GPC5: variants seen among roughly 807,000 people sequenced by gnomAD.
GPC5 encodes the protein glypican-5.
In GPC5, 47 loss-of-function variants were observed where a neutral mutation model predicts 53.9. The observed-to-expected ratio is 0.87, with a 90% CI of 0.69 to 1.11. GPC5 has a LOEUF of 1.11. GPC5 is among the 50% of genes most tolerant of loss of function. GPC5 has a pLI of 0.00. For synonymous variants in GPC5, 286 were observed against 263.3 expected (o/e 1.09, Z -0.84); for missense variants, 748 against 713.1 (o/e 1.05, Z -0.56).
chr13:91,835,982 C>A (rs888089019), intron 5 of GPC5, among the ~76,000 whole-genome samples: 1 of 151,890 alleles, frequency 6.6e-6, no homozygotes, highest in Admixed American at 6.6e-5. Flanking sequence ...TTAAGCACAC[C>A]ATTTACTAAA....
chr13:91,800,660 C>A (rs1203593415), intron 5 of GPC5, among the ~76,000 whole-genome samples: 1 of 152,002 alleles, frequency 6.6e-6, no homozygotes. Flanking sequence ...TTTAAAAGAC[C>A]TTTTAGAGGT....
Position 92,250,662 on chromosome 13 carries a change from A to G in GPC5, c.1561+105673A>G, listed in dbSNP as rs114118355. On this transcript the variant is annotated intron_variant, in intron 7 of 7. Coordinates refer to ENST00000377067, the MANE Select transcript of GPC5 (RefSeq NM_004466.6). ...AAAATTATTACTTTTGACACATGAA[A>G]ACCATAATTTCTTCATGTTTATAAA... Among the ~76,000 whole-genome samples the G allele has an allele frequency of 5.4e-3, 825 of 152,234 alleles. 12 individuals carry two copies. Among genetic ancestry groups the G allele is most frequent in the African/African-American group, 0.019 (790 of 41,548 alleles).
intron 7 of GPC5, among the ~76,000 whole-genome samples, chr13:92,692,036 C>T (rs532603392): frequency 7.9e-4 from 121 of 152,220 alleles, no homozygotes; most frequent in Admixed American, 2.1e-3. Flanking sequence ...CTTCCCTCCC[C>T]CATCTAATAG....
chr13:92,012,689 A>G (rs1391203376), intron 6 of GPC5, among the ~76,000 whole-genome samples: 1 of 152,232 alleles, frequency 6.6e-6, no homozygotes, highest in African/African-American at 2.4e-5. Context: ...ATTCCAATCT[A>G]TGAATTGGTC....
intron 7 of GPC5, among the ~76,000 whole-genome samples, chr13:92,346,710 G>GA (rs1417109157): frequency 6.6e-6 from 1 of 152,146 alleles, no homozygotes; most frequent in African/African-American, 2.4e-5. Context: ...GGGCCCTAAA[G>GA]AAATGGAGAT....
chr13:92,704,853 A>T (rs1396077804), intron 7 of GPC5, among the ~76,000 whole-genome samples: 2 of 149,944 alleles, frequency 1.3e-5, no homozygotes, highest in African/African-American at 2.5e-5. Context: ...TTAGTGTGTA[A>T]ATATATGAGT....
chr13:92,238,997 TTA>T (rs141984495), intron 7 of GPC5, among the ~76,000 whole-genome samples: 6,894 of 133,220 alleles, frequency 0.052, 162 homozygotes, highest in South Asian at 0.078. Context: ...GCTGACAAGA[TTA>T]TTTTTTTTTT....
intron 7 of GPC5, chr13:92,706,152 G>T (rs1269581946): frequency 2.0e-5 from 3 of 151,808 alleles, no homozygotes; most frequent in African/African-American, 4.8e-5. Flanking sequence ...ACAATTAAAT[G>T]AACAGAAAAA....
chr13:91,490,054 G>A (rs576149), intron 2 of GPC5, among the ~76,000 whole-genome samples: 82,486 of 152,050 alleles, frequency 0.54, 22,677 homozygotes, highest in Non-Finnish European at 0.6. Context: ...TAAATGCCAC[G>A]TAATCACTAC....
At chr13:92,101,599 A>G (rs1411741) in intron 6 of GPC5, among the ~76,000 whole-genome samples, 149,739 of 152,312 alleles carry the variant, frequency 0.98, 73,656 homozygotes, top group Middle Eastern at 1. Context: ...GGATGAAAGA[A>G]TTTAAACATG....
chr13:91,685,200 G>A (rs1414413919), intron 2 of GPC5, among the ~76,000 whole-genome samples: 2 of 152,152 alleles, frequency 1.3e-5, no homozygotes, highest in Non-Finnish European at 2.9e-5. Context: ...AGATACTTGG[G>A]AGGCTGAAGT....
intron 7 of GPC5, among the ~76,000 whole-genome samples, chr13:92,458,550 G>A (rs1205344842): frequency 6.6e-6 from 1 of 151,962 alleles, no homozygotes; most frequent in Non-Finnish European, 1.5e-5. Context: ...TGCCTGCTTT[G>A]GCCCCCCAAA....
At chr13:91,855,602 G>A (rs1356422535) in intron 5 of GPC5, among the ~76,000 whole-genome samples, 1 of 151,580 alleles carries the variant, frequency 6.6e-6, no homozygotes, top group Non-Finnish European at 1.5e-5. Flanking sequence ...TCAAATCCTT[G>A]ATTCATGCAA....
chr13:91,584,477 A>G (rs2032484682), intron 2 of GPC5, among the ~76,000 whole-genome samples: 1 of 152,202 alleles, frequency 6.6e-6, no homozygotes, highest in Admixed American at 6.5e-5. Context: ...AAGATAAACT[A>G]TCAGTAAATA....
chr13:92,326,251 G>A (rs1926631), intron 7 of GPC5, among the ~76,000 whole-genome samples: 74,828 of 151,838 alleles, frequency 0.49, 20,711 homozygotes, highest in African/African-American at 0.77. Context: ...AGTATATCCT[G>A]CAACTATGAT....
At chr13:91,973,227 T>C (rs1290418642) in intron 6 of GPC5, among the ~76,000 whole-genome samples, 1 of 152,230 alleles carries the variant, frequency 6.6e-6, no homozygotes, top group Non-Finnish European at 1.5e-5. Flanking sequence ...TCGTCTTCCA[T>C]CACTGATACC....
intron 2 of GPC5, among the ~76,000 whole-genome samples, chr13:91,653,296 C>T (rs763884098): frequency 2.0e-5 from 3 of 152,072 alleles, no homozygotes; most frequent in African/African-American, 4.8e-5. Flanking sequence ...AGATTATCTC[C>T]GCCCCCACAG....
intron 7 of GPC5, among the ~76,000 whole-genome samples, chr13:92,527,158 A>AAGAAAGAAAGAAAG (rs1881336013): frequency 8.2e-6 from 1 of 121,578 alleles, no homozygotes; most frequent in Non-Finnish European, 1.8e-5. Context: ...GAAAGAAAGA[A>AAGAAAGAAAGAAAG]AGAAAGAAAG....
intron 5 of GPC5, among the ~76,000 whole-genome samples, chr13:91,805,448 G>T (rs988059662): frequency 5.4e-5 from 8 of 146,950 alleles, no homozygotes; most frequent in Admixed American, 4.8e-4. Flanking sequence ...GATACCATGG[G>T]CTTTGCTTTA....
Sources: allele counts gnomAD v4.1 joint callset (sites outside exome capture counted in the v4.1 genomes callset), GRCh38; gene constraint gnomAD v4.1.1; transcripts MANE v1.5; gene names NCBI Gene and HGNC (gene_info 2026-07-23, HGNC 2026-07-21).